MBOAT2: variants seen among roughly 807,000 people sequenced by gnomAD.
The protein encoded by MBOAT2 is membrane bound glycerophospholipid O-acyltransferase 2.
MBOAT2 carries 28 observed loss-of-function variants against 63.4 expected under a neutral mutation model. The ratio of observed to expected loss-of-function variants is 0.44; its 90% confidence interval spans 0.33 to 0.61. The LOEUF is 0.61. Ranked by LOEUF, MBOAT2 falls within the 20% of genes least tolerant of loss-of-function variation. The pLI is 0.03. For missense variants in MBOAT2, 470 were observed against 605.8 expected, an observed-to-expected ratio of 0.78 and a Z score of 2.35; for synonymous variants, 211 against 215.6, an observed-to-expected ratio of 0.98 and a Z score of 0.19.
intron 5 of MBOAT2, among the ~76,000 whole-genome samples, chr2:8,886,645 C>T (rs562897997): frequency 1.3e-5 from 2 of 152,310 alleles, no homozygotes; most frequent in African/African-American, 2.4e-5. Context: ...ACAATCTAAA[C>T]TGTTCTAAAG....
intron 8 of MBOAT2, among the ~76,000 whole-genome samples, chr2:8,870,997 G>T (rs566782645): frequency 6.6e-6 from 1 of 151,518 alleles, no homozygotes. Flanking sequence ...TGATAAATTT[G>T]GTTGATTTTT....
At chr2:8,944,963 C>G (rs944743185) in intron 2 of MBOAT2, among the ~76,000 whole-genome samples, 2 of 152,100 alleles carry the variant, frequency 1.3e-5, no homozygotes, top group Admixed American at 1.3e-4. Flanking sequence ...ACACGGAAAA[C>G]ACATTTTTGA....
chr2:8,886,838 C>T lies in MBOAT2; in HGVS notation c.451+1180G>A, dbSNP rs569272601. The stretch of plus-strand genomic sequence containing the variant: ...ACAGGAGTAATCTGTTACCAGCATA[C>T]TACAGAAGTTCTAGCACCTGAAGAT... On this transcript the variant is annotated intron_variant, in intron 5 of 12. Transcript: ENST00000305997. Among the ~76,000 whole-genome samples the T allele has an allele frequency of 4.6e-5, 7 of 152,314 alleles. No individual in the cohort carries two copies. In the East Asian group the frequency reaches 1.2e-3, roughly 25 times the overall value.
At chr2:8,993,184 C>A (rs555384542) in intron 1 of MBOAT2, among the ~76,000 whole-genome samples, 308 of 152,336 alleles carry the variant, frequency 2.0e-3, no homozygotes, top group African/African-American at 7.1e-3. Context: ...AATAGTGGTA[C>A]CTCTCAGAAT....
chr2:8,979,827 T>C (rs1360546724), intron 1 of MBOAT2, among the ~76,000 whole-genome samples: 1 of 152,176 alleles, frequency 6.6e-6, no homozygotes, highest in Non-Finnish European at 1.5e-5. Flanking sequence ...TTTCATGTTG[T>C]GCTGACAACG....
intron 2 of MBOAT2, among the ~76,000 whole-genome samples, chr2:8,951,731 A>ACC (rs1668850546): frequency 6.6e-6 from 1 of 152,122 alleles, no homozygotes; most frequent in South Asian, 2.1e-4. Context: ...GATGTTTATA[A>ACC]TAGTCTCTGA....
rs988225248 is a variant in MBOAT2, at chr2:8,901,496, C to T, written c.395+7125G>A. 3.3e-5 allele frequency among the ~76,000 whole-genome samples: 5 copies of T among 152,036 alleles called. No individual in the cohort carries two copies. The East Asian group carries it at 7.7e-4, about 23-fold the overall frequency. ...TTCTCCTGTTAGTATTAGGACTTTACCCATGTACTATAAAGATGTTATGCC... is the reference window on the plus strand; with the variant it reads ...TTCTCCTGTTAGTATTAGGACTTTATCCATGTACTATAAAGATGTTATGCC... On this transcript the variant is annotated intron_variant, in intron 4 of 12. Coordinates refer to ENST00000305997, the MANE Select transcript of MBOAT2 (RefSeq NM_138799.4).
chr2:8,984,339 T>A (rs947497975), intron 1 of MBOAT2, among the ~76,000 whole-genome samples: 1 of 152,176 alleles, frequency 6.6e-6, no homozygotes, highest in Non-Finnish European at 1.5e-5. Context: ...AATATACTTA[T>A]CACTACTGAG....
intron 1 of MBOAT2, among the ~76,000 whole-genome samples, chr2:8,999,017 A>G (rs752463219): frequency 6.6e-6 from 1 of 152,158 alleles, no homozygotes; most frequent in Non-Finnish European, 1.5e-5. Context: ...AGCTTTGAAA[A>G]CTGTATTAAG....
chr2:8,955,997 A>T (rs73157448), intron 2 of MBOAT2, among the ~76,000 whole-genome samples: 3,979 of 152,274 alleles, frequency 0.026, 142 homozygotes, highest in African/African-American at 0.083. Flanking sequence ...TTTTAGACAT[A>T]ATTATATTGC....
Position 8,888,054 on chromosome 2 carries a change from G to A in MBOAT2, c.415C>T (p.Gln139Ter), listed in dbSNP as rs1663691879. ...TCGCAAGCCAAACTAGTGATCTTCT[G>A]AGTAATGATCATCATTGGGCTGTGA... Reference protein sequence around the residue: ...DFSGPMMIITQKITSLACEIH... With the variant: ...DFSGPMMIIT The change falls in exon 5 of 13, where the codon CAG (glutamine) becomes TAG (stop). Residue 139 changes from glutamine (Q) to a stop codon, truncating the protein, a stop_gained. Transcript: ENST00000305997. LOFTEE classifies it high-confidence loss of function. 1 of 1,613,304 alleles carries A rather than the reference G, an allele frequency of 6.2e-7. No individual in the cohort carries two copies. Among genetic ancestry groups the A allele is most frequent in the Non-Finnish European group, 8.5e-7 (1 of 1,179,666 alleles).
intron 6 of MBOAT2, 125 bp from the exon 7 acceptor site, chr2:8,877,338 C>T: frequency 5.6e-6 from 5 of 889,452 alleles, no homozygotes; most frequent in African/African-American, 1.7e-5. Flanking sequence ...CATTTGTACC[C>T]ATACAATAAG....
intron 3 of MBOAT2, among the ~76,000 whole-genome samples, chr2:8,932,150 A>AT (rs1338337821): frequency 1.3e-5 from 2 of 152,094 alleles, no homozygotes; most frequent in African/African-American, 2.4e-5. Context: ...GGAGGAAGTC[A>AT]TTTTTTCTCT....
intron 3 of MBOAT2, among the ~76,000 whole-genome samples, chr2:8,921,915 A>C (rs1007140072): frequency 6.6e-6 from 1 of 152,144 alleles, no homozygotes; most frequent in African/African-American, 2.4e-5. Context: ...AATGTTTTAC[A>C]TCAAATTTGG....
chr2:8,974,072 T>C (rs977020115), intron 1 of MBOAT2, among the ~76,000 whole-genome samples: 4 of 152,110 alleles, frequency 2.6e-5, no homozygotes, highest in African/African-American at 9.7e-5. Context: ...AAGTACCAAG[T>C]ACTAAGATGA....
intron 4 of MBOAT2, among the ~76,000 whole-genome samples, chr2:8,898,857 G>T (rs1400085196): frequency 6.6e-6 from 1 of 152,234 alleles, no homozygotes; most frequent in Non-Finnish European, 1.5e-5. Flanking sequence ...GAGAGAGCAG[G>T]TTATAGGGGT....
chr2:8,950,369 G>A (rs72771530), intron 2 of MBOAT2, among the ~76,000 whole-genome samples: 5,384 of 152,222 alleles, frequency 0.035, 120 homozygotes, highest in Middle Eastern at 0.11. Context: ...AACATGAGTG[G>A]TGAGAGTGGG....
rs1211838907 is a variant in MBOAT2 at position 8,862,572 on chromosome 2, A to G, written c.1185+18T>C. On this transcript the variant is annotated intron_variant, in intron 11 of 12. Coordinates refer to ENST00000305997, the MANE Select transcript of MBOAT2 (RefSeq NM_138799.4). This position sits in a 1 kb window ranked among gnomAD's most constrained non-coding sequence, Gnocchi z 4.3. The stretch of plus-strand genomic sequence containing the variant: ...CAAGTGGACCATTGAATTGTAAAAT[A>G]AAATTCTTGATACTTACAGCTCTTG... 1.9e-6 allele frequency: 3 copies of G among 1,601,758 alleles called. No individual in the cohort carries two copies. In the African/African-American group the frequency reaches 4.0e-5, roughly 22 times the overall value.
At chr2:8,965,606 C>T (rs1439975314) in intron 1 of MBOAT2, among the ~76,000 whole-genome samples, 1 of 152,090 alleles carries the variant, frequency 6.6e-6, no homozygotes, top group Non-Finnish European at 1.5e-5. Context: ...ATATTTTCTC[C>T]AGCTTTATAT....
Sources: allele counts gnomAD v4.1 joint callset (sites outside exome capture counted in the v4.1 genomes callset), GRCh38; gene constraint gnomAD v4.1.1; non-coding constraint Gnocchi (gnomAD v3.1); transcripts MANE v1.5; gene names NCBI Gene and HGNC (gene_info 2026-07-23, HGNC 2026-07-21).